Variants in DPP6 observed in about 807,000 individuals in gnomAD.
The protein encoded by DPP6 is dipeptidyl peptidase like 6.
Under a neutral mutation model 122.6 loss-of-function variants are expected in DPP6, and 69 were observed. The ratio of observed to expected loss-of-function variants is 0.56; its 90% confidence interval spans 0.46 to 0.69. The LOEUF (loss-of-function observed/expected upper bound fraction) is 0.69, where lower values mean the gene tolerates loss of function less well. Ranked by LOEUF, DPP6 falls within the 30% of genes least tolerant of loss-of-function variation. DPP6 has a pLI of 0.00. For missense variants in DPP6, 928 were observed against 1,116.9 expected (o/e 0.83, Z 2.41); for synonymous variants, 418 against 433.1 (o/e 0.97, Z 0.43).
At chr7:154,373,064 T>A (rs1387007628) in intron 1 of DPP6, among the ~76,000 whole-genome samples, 1 of 152,238 alleles carries the variant, frequency 6.6e-6, no homozygotes, top group Non-Finnish European at 1.5e-5. Context: ...CCCTGCACCA[T>A]CCGCTTCCTC....
intron 2 of DPP6, among the ~76,000 whole-genome samples, chr7:154,474,729 G>A (rs758610654): frequency 2.0e-5 from 3 of 152,164 alleles, no homozygotes; most frequent in Non-Finnish European, 4.4e-5. Context: ...AAGGCGTGAT[G>A]CCGTTCTACT....
At chr7:154,188,547 C>T (rs1798462844) in intron 1 of DPP6, among the ~76,000 whole-genome samples, 1 of 152,092 alleles carries the variant, frequency 6.6e-6, no homozygotes, top group South Asian at 2.1e-4. Context: ...GTTTTCTAGT[C>T]TCAGAAACTT....
intron 1 of DPP6, among the ~76,000 whole-genome samples, chr7:154,336,406 G>A (rs1055174061): frequency 1.1e-4 from 17 of 152,166 alleles, no homozygotes; most frequent in African/African-American, 3.9e-4. Flanking sequence ...CATGAGAGGA[G>A]TGGTGATAGC....
intron 1 of DPP6, among the ~76,000 whole-genome samples, chr7:154,291,296 G>C (rs1440660560): frequency 6.6e-6 from 1 of 152,150 alleles, no homozygotes; most frequent in African/African-American, 2.4e-5. Context: ...TGCAGGCTCA[G>C]ATTGGTTTCA....
intron 21 of DPP6, chr7:154,884,121 C>T (rs1156465802): frequency 1.4e-5 from 2 of 145,490 alleles, no homozygotes; most frequent in South Asian, 2.2e-4. Flanking sequence ...CACACACATG[C>T]TCACCCATAC....
intron 7 of DPP6, among the ~76,000 whole-genome samples, chr7:154,710,374 G>A (rs769216359): frequency 6.6e-6 from 1 of 152,156 alleles, no homozygotes; most frequent in Non-Finnish European, 1.5e-5. Flanking sequence ...AGGTTTCCAG[G>A]GCAACAAAAG....
intron 9 of DPP6, among the ~76,000 whole-genome samples, chr7:154,770,344 C>A (rs550076609): frequency 6.6e-6 from 1 of 152,290 alleles, no homozygotes; most frequent in African/African-American, 2.4e-5. Flanking sequence ...GACTTATTCA[C>A]TATCAGGAGA....
At chr7:154,857,605 C>T (rs1206159674) in intron 17 of DPP6, among the ~76,000 whole-genome samples, 2 of 152,218 alleles carry the variant, frequency 1.3e-5, no homozygotes, top group South Asian at 2.1e-4. Context: ...AAACAAAATG[C>T]ACTGAGTTTT....
intron 1 of DPP6, among the ~76,000 whole-genome samples, chr7:153,902,218 A>T (rs1799665870): frequency 6.6e-6 from 1 of 152,222 alleles, no homozygotes; most frequent in Admixed American, 6.5e-5. Context: ...TTTCAAGATA[A>T]ACAGTAGCTC....
At chr7:154,568,368 T>C (rs1261381425) in intron 5 of DPP6, among the ~76,000 whole-genome samples, 1 of 152,220 alleles carries the variant, frequency 6.6e-6, no homozygotes, top group Non-Finnish European at 1.5e-5. Context: ...GAAAGACAAA[T>C]TGATTTCAGG....
In DPP6 at chr7:154,403,223, C is replaced by G. The variant is rs777485994; in HGVS notation, c.244-42991C>G. ...CACCGTGAGGCCCCAGCATTTGGGT[C>G]CATCACTGGCGATGTGCTGCTGGCC... is the stretch of plus-strand genomic sequence containing the variant. On this transcript the variant is annotated intron_variant, in intron 1 of 25. Transcript: ENST00000377770. The surrounding 1 kb of genome is among the most constrained non-coding windows in gnomAD (Gnocchi z 4.1). Among the ~76,000 whole-genome samples, 2 of 152,192 alleles carry G rather than the reference C, an allele frequency of 1.3e-5. No individual in the cohort carries two copies. The highest frequency in any genetic ancestry group is 2.9e-5 in the Non-Finnish European group (2 of 68,030).
Position 154,081,675 on chromosome 7 carries a change from ATAGCTT to A in DPP6, c.243+28613_243+28618del, listed in dbSNP as rs549013538. On this transcript the variant is annotated intron_variant, in intron 1 of 25. Coordinates refer to ENST00000377770, the MANE Select transcript of DPP6 (RefSeq NM_130797.4). ...ATCAAGGGACGTCAAGAGCGTGGTA[ATAGCTT>A]GTTACTACCTGGGGAGAAACATATC... Among the ~76,000 whole-genome samples the A allele has an allele frequency of 8.0e-5, 12 of 149,748 alleles. No homozygotes were observed. The South Asian group carries it at 2.6e-3, about 32-fold the overall frequency.
chr7:154,160,602 T>G (rs1796931957), intron 1 of DPP6, among the ~76,000 whole-genome samples: 1 of 152,134 alleles, frequency 6.6e-6, no homozygotes, highest in Non-Finnish European at 1.5e-5. Context: ...ATCACTTGGT[T>G]GGCCCTCATT....
intron 1 of DPP6, among the ~76,000 whole-genome samples, chr7:154,248,775 A>T (rs1406728630): frequency 1.3e-5 from 2 of 152,032 alleles, no homozygotes; most frequent in African/African-American, 4.8e-5. Flanking sequence ...CTGCAGCAGG[A>T]GAATCGTTTG....
intron 8 of DPP6, among the ~76,000 whole-genome samples, chr7:154,754,311 T>G (rs1354836460): frequency 3.9e-5 from 6 of 152,214 alleles, no homozygotes; most frequent in Non-Finnish European, 4.4e-5. Flanking sequence ...TATAACTTTG[T>G]TTTGTGGCGA....
intron 1 of DPP6, among the ~76,000 whole-genome samples, chr7:154,337,781 G>C (rs968346890): frequency 6.6e-6 from 1 of 152,206 alleles, no homozygotes; most frequent in African/African-American, 2.4e-5. Context: ...GAAGGCTCAC[G>C]CCCAGGGAGA....
At chr7:154,704,575 C>T (rs927594312) in intron 7 of DPP6, among the ~76,000 whole-genome samples, 10 of 152,178 alleles carry the variant, frequency 6.6e-5, no homozygotes, top group Non-Finnish European at 1.3e-4. Flanking sequence ...CCAGTTATCC[C>T]AACCTTCAGC....
Position 153,919,316 on chromosome 7 carries a change from C to T in DPP6, c.51+31582C>T, listed in dbSNP as rs555416725. 2.6e-5 allele frequency among the ~76,000 whole-genome samples: 4 copies of T among 152,274 alleles called. No individual in the cohort carries two copies. The South Asian group carries it at 6.2e-4, about 24-fold the overall frequency. On this transcript the variant is annotated intron_variant, in intron 1 of 25. Transcript: ENST00000404039. Reference sequence around the variant, plus strand: ...TTCCCCTAGCAAACTCTCATGCAGCCTCCTGGGGCACCAGTGCATTCATCG... The same window carrying T: ...TTCCCCTAGCAAACTCTCATGCAGCTTCCTGGGGCACCAGTGCATTCATCG...
chr7:154,272,206 C>T (rs1400015845), intron 1 of DPP6, among the ~76,000 whole-genome samples: 5 of 152,198 alleles, frequency 3.3e-5, no homozygotes, highest in African/African-American at 1.2e-4. Context: ...TAAAAGAGAC[C>T]TGCCTGCTCC....
Sources: gnomAD v4.1 joint callset for allele counts (sites outside exome capture counted in the v4.1 genomes callset) on GRCh38, gnomAD v4.1.1 for gene constraint, Gnocchi (gnomAD v3.1) non-coding constraint, MANE v1.5 for transcripts, NCBI Gene and HGNC (gene_info 2026-07-23, HGNC 2026-07-21) for gene names.